RAB20: variants seen among roughly 807,000 people sequenced by gnomAD.
RAB20 encodes ras-related protein Rab-20.
In RAB20, 2 loss-of-function variants were observed where a neutral mutation model predicts 3.7. That is an observed-to-expected ratio of 0.54 (90% CI 0.22 to 1.69). RAB20 has a LOEUF of 1.69. Among genes scored for constraint, RAB20 ranks in the 40% most tolerant of loss-of-function variants. RAB20 has a pLI of 0.19. For synonymous variants in RAB20, 126 were observed against 130.8 expected, an observed-to-expected ratio of 0.96 and a Z score of 0.25; for missense variants, 276 against 311.9, an observed-to-expected ratio of 0.88 and a Z score of 0.87.
chr13:110,536,721 T>TTGG lies in RAB20; in HGVS notation c.173-12525_173-12524insCCA, dbSNP rs1164445964. Among the ~76,000 whole-genome samples the TTGG allele has an allele frequency of 6.7e-4, 5 of 7,452 alleles. 2 individuals are homozygous for TTGG. Among genetic ancestry groups the TTGG allele is most frequent in the Non-Finnish European group, 1.1e-3 (5 of 4,450 alleles). The allele number at this position is 7,452 out of a possible 152,430, so 4.9% of individuals were successfully genotyped here. Reference sequence around the variant, plus strand: ...AGGAATATCTAAAATGGCTTTTTTTTGGGGCGGTGGGGGGGGGTTGTTTTT... The same window carrying TTGG: ...AGGAATATCTAAAATGGCTTTTTTTTTGGGGGGCGGTGGGGGGGGGTTGTTTTT... On this transcript the variant is annotated intron_variant, in intron 1 of 1. Transcript: ENST00000267328.
chr13:110,561,235 T>A, intron 1 of RAB20, 113 bp downstream of exon 1: 1 of 1,317,872 alleles, frequency 7.6e-7, no homozygotes, highest in East Asian at 3.0e-5. Flanking sequence ...AAGGAGGCAT[T>A]TGCTGTCCGA....
chr13:110,553,803 T>A (rs1184787444), intron 1 of RAB20, among the ~76,000 whole-genome samples: 1 of 152,124 alleles, frequency 6.6e-6, no homozygotes, highest in African/African-American at 2.4e-5. Context: ...GAAACTAATG[T>A]AATAGGAAAG....
intron 1 of RAB20, among the ~76,000 whole-genome samples, chr13:110,535,691 C>A (rs1884626666): frequency 6.6e-6 from 1 of 152,238 alleles, no homozygotes; most frequent in Admixed American, 6.5e-5. Context: ...CCGCACACAC[C>A]CGGCACGCTG....
chr13:110,535,547 T>C (rs527783500), intron 1 of RAB20, among the ~76,000 whole-genome samples: 1 of 152,388 alleles, frequency 6.6e-6, no homozygotes, highest in South Asian at 2.1e-4. Context: ...GCTCAGAGAC[T>C]CTACTGGCGA....
intron 1 of RAB20, among the ~76,000 whole-genome samples, chr13:110,533,519 C>CA (rs5806863): frequency 1.2e-4 from 18 of 151,456 alleles, no homozygotes; most frequent in African/African-American, 1.9e-4. Flanking sequence ...CCTATCTCTA[C>CA]AAAAAAAAAT....
At chr13:110,531,694 C>T (rs1034521263) in intron 1 of RAB20, among the ~76,000 whole-genome samples, 2 of 152,312 alleles carry the variant, frequency 1.3e-5, no homozygotes, top group South Asian at 2.1e-4. Flanking sequence ...TGGATGCCAC[C>T]GTCCCAGGGC....
At chr13:110,551,841 G>A (rs1219308896) in intron 1 of RAB20, among the ~76,000 whole-genome samples, 2 of 150,976 alleles carry the variant, frequency 1.3e-5, no homozygotes, top group African/African-American at 4.9e-5. Flanking sequence ...GGCACTTGAA[G>A]AGAACAAGCA....
At chr13:110,551,370 T>C (rs1347114164) in intron 1 of RAB20, among the ~76,000 whole-genome samples, 1 of 152,154 alleles carries the variant, frequency 6.6e-6, no homozygotes, top group Non-Finnish European at 1.5e-5. Flanking sequence ...TGTAAGCACC[T>C]GTGAGAACCG....
chr13:110,523,890 C>G lies in RAB20; in HGVS notation c.480G>C (p.Lys160Asn). 1 of 1,614,202 alleles carries G rather than the reference C, an allele frequency of 6.2e-7. No individual in the cohort carries two copies. The highest frequency in any genetic ancestry group is 1.1e-5 in the South Asian group (1 of 91,078). Residue 160 changes from lysine (K) to asparagine (N), a missense_variant, in exon 2 of 2, where the codon AAG becomes AAC. Transcript: ENST00000267328. ...QLEDAVALYK[K>N]ILKYKMLDEQ... ...CATCCAGCATCTTGTACTTGAGGAT[C>G]TTTTTATAAAGGGCCACCGCATCCT...
rs576561712 is a variant in RAB20, at chr13:110,536,149, A to G, written c.173-11952T>C. 2.6e-4 allele frequency among the ~76,000 whole-genome samples: 39 copies of G among 152,336 alleles called. No individual in the cohort carries two copies. In the East Asian group the frequency reaches 6.6e-3, roughly 26 times the overall value. On this transcript the variant is annotated intron_variant, in intron 1 of 1. Coordinates refer to ENST00000267328, the MANE Select transcript of RAB20 (RefSeq NM_017817.3). The stretch of plus-strand genomic sequence containing the variant: ...ATGGGGAAACAGAGGCAGAGATGAG[A>G]GCCACAGCTCCGCAGGCAAGGACGG...
intron 1 of RAB20, among the ~76,000 whole-genome samples, chr13:110,532,886 A>G (rs1447184934): frequency 1.3e-5 from 2 of 151,962 alleles, no homozygotes; most frequent in East Asian, 3.9e-4. Flanking sequence ...TTACTATGCT[A>G]CCCAGGCTGG....
intron 1 of RAB20, among the ~76,000 whole-genome samples, chr13:110,544,232 T>C (rs1489195156): frequency 6.6e-6 from 1 of 152,254 alleles, no homozygotes; most frequent in African/African-American, 2.4e-5. Context: ...CTGGGCACTC[T>C]ACCCTGTTCC....
At chr13:110,535,299 T>G (rs1479949037) in intron 1 of RAB20, among the ~76,000 whole-genome samples, 1 of 152,234 alleles carries the variant, frequency 6.6e-6, no homozygotes, top group Non-Finnish European at 1.5e-5. Context: ...GAGCAGACTC[T>G]GCTCAGAGCC....
chr13:110,538,641 A>AAAGAAAT (rs1400801312), intron 1 of RAB20, among the ~76,000 whole-genome samples: 1 of 151,822 alleles, frequency 6.6e-6, no homozygotes, highest in African/African-American at 2.4e-5. Flanking sequence ...AAGAAAAGAA[A>AAAGAAAT]AAGAAATAAA....
chr13:110,550,459 G>A (rs1053324782), intron 1 of RAB20, among the ~76,000 whole-genome samples: 1 of 152,284 alleles, frequency 6.6e-6, no homozygotes, highest in African/African-American at 2.4e-5. Context: ...GGAAGGAAGG[G>A]GTGGTCTTGT....
At chr13:110,531,873 C>T (rs1034541512) in intron 1 of RAB20, among the ~76,000 whole-genome samples, 8 of 152,146 alleles carry the variant, frequency 5.3e-5, no homozygotes, top group Admixed American at 1.3e-4. Flanking sequence ...GCTGACATGG[C>T]CCAGGGTTCA....
intron 1 of RAB20, among the ~76,000 whole-genome samples, chr13:110,536,731 G>A (rs1295882746): frequency 9.3e-6 from 1 of 107,718 alleles, no homozygotes; most frequent in Non-Finnish European, 1.9e-5. Flanking sequence ...TGGGGCGGTG[G>A]GGGGGGGTTG....
At chr13:110,550,568 T>C (rs997743545) in intron 1 of RAB20, among the ~76,000 whole-genome samples, 10 of 152,178 alleles carry the variant, frequency 6.6e-5, no homozygotes, top group African/African-American at 2.4e-4. Flanking sequence ...CTGCTCGCTG[T>C]GTGGGAAAAA....
intron 1 of RAB20, among the ~76,000 whole-genome samples, chr13:110,535,613 C>T (rs1884625812): frequency 6.6e-6 from 1 of 152,254 alleles, no homozygotes; most frequent in South Asian, 2.1e-4. Flanking sequence ...CTCTGAGTGC[C>T]TCACAGCTTG....
Sources: gnomAD v4.1 joint callset for allele counts (sites outside exome capture counted in the v4.1 genomes callset) on GRCh38, gnomAD v4.1.1 for gene constraint, MANE v1.5 for transcripts, NCBI Gene and HGNC (gene_info 2026-07-23, HGNC 2026-07-21) for gene names.